PBX1: variants seen among roughly 807,000 people sequenced by gnomAD.
The protein encoded by PBX1 is PBX homeobox 1, also known as pre-B-cell leukemia transcription factor 1.
Under a neutral mutation model 53.4 loss-of-function variants are expected in PBX1, and 6 were observed. The observed-to-expected ratio is 0.11, with a 90% CI of 0.06 to 0.22. The LOEUF (loss-of-function observed/expected upper bound fraction) is 0.22, where lower values mean the gene tolerates loss of function less well. Ranked by LOEUF, PBX1 falls within the 10% of genes least tolerant of loss-of-function variation. PBX1 has a pLI of 1.00. For synonymous variants in PBX1, 204 were observed against 212.3 expected (o/e 0.96, Z 0.34); for missense variants, 251 against 551.4 (o/e 0.46, Z 5.46).
chr1:164,802,426 G>A (rs1266588760), intron 4 of PBX1, among the ~76,000 whole-genome samples: 1 of 152,046 alleles, frequency 6.6e-6, no homozygotes, highest in Non-Finnish European at 1.5e-5. Flanking sequence ...TACGACTGAG[G>A]GCCTCAGTTC....
chr1:164,619,549 C>T (rs897802736), intron 2 of PBX1, among the ~76,000 whole-genome samples: 1 of 152,168 alleles, frequency 6.6e-6, no homozygotes, highest in African/African-American at 2.4e-5. Context: ...TTAACTCCTA[C>T]ACCATCTTAG....
Position 164,846,842 on chromosome 1 carries a change from A to T in PBX1, c.*166A>T. The T allele has an allele frequency of 6.9e-7, 1 of 1,459,320 alleles. No individual in the cohort carries two copies. The highest frequency in any genetic ancestry group is 9.0e-7 in the Non-Finnish European group (1 of 1,108,662). The allele number at this position is 1,459,320 out of a possible 1,614,324, so 90.4% of individuals were successfully genotyped here. On this transcript the variant is annotated 3_prime_UTR_variant, in exon 9 of 9. Coordinates refer to ENST00000420696, the MANE Select transcript of PBX1 (RefSeq NM_002585.4). ...CTTCTTTGGGATGCTATTTCAGCCA[A>T]TCTGGACACTTCTTTATACTCTCTT...
chr1:164,658,573 T>C (rs1316671105), intron 2 of PBX1, among the ~76,000 whole-genome samples: 1 of 152,192 alleles, frequency 6.6e-6, no homozygotes, highest in Non-Finnish European at 1.5e-5. Flanking sequence ...TGACACTATA[T>C]AAGTGTATAC....
chr1:164,725,800 T>A (rs1418033272), intron 2 of PBX1, among the ~76,000 whole-genome samples: 1 of 152,168 alleles, frequency 6.6e-6, no homozygotes, highest in Non-Finnish European at 1.5e-5. Context: ...CTGTGAGGTG[T>A]AGCTATCCAT....
At chr1:164,760,488 T>C (rs1231941826) in intron 2 of PBX1, among the ~76,000 whole-genome samples, 1 of 151,392 alleles carries the variant, frequency 6.6e-6, no homozygotes, top group African/African-American at 2.4e-5. Flanking sequence ...TCCTTCGGAT[T>C]TTTTAAAACA....
chr1:164,851,343 G>A lies in PBX1; in HGVS notation c.*4667G>A, dbSNP rs1340714023. 1 of 206,062 alleles carries A rather than the reference G, an allele frequency of 4.9e-6. No individual in the cohort carries two copies. The highest frequency in any genetic ancestry group is 9.9e-6 in the Non-Finnish European group (1 of 100,910). 12.8% of individuals were successfully genotyped at this position (206,062 alleles called of 1,614,324 possible). On this transcript the variant is annotated 3_prime_UTR_variant, in exon 9 of 9. Transcript: ENST00000420696. ...TGCAGAATTGTGGAGCAATGCTTTAGGAAATATTTCTACCTGAACACTTGT... is the reference window on the plus strand; with the variant it reads ...TGCAGAATTGTGGAGCAATGCTTTAAGAAATATTTCTACCTGAACACTTGT...
chr1:164,664,258 C>G (rs979662693), intron 2 of PBX1, among the ~76,000 whole-genome samples: 4 of 152,192 alleles, frequency 2.6e-5, no homozygotes, highest in Non-Finnish European at 5.9e-5. Context: ...CGGACCATGT[C>G]TAGGTGTCTT....
At position 164,846,832 on chromosome 1, in the gene PBX1, A is replaced by G; in HGVS notation, c.*156A>G. The G allele has an allele frequency of 1.4e-6, 2 of 1,471,786 alleles. No homozygotes were observed. The highest frequency in any genetic ancestry group is 2.7e-5 in the South Asian group (2 of 72,768). The allele number at this position is 1,471,786 out of a possible 1,614,324, so 91.2% of individuals were successfully genotyped here. A position where few individuals can be genotyped will look rare whatever the true frequency, so the allele number is the denominator to read the frequency against. On this transcript the variant is annotated 3_prime_UTR_variant, in exon 9 of 9. Coordinates refer to ENST00000420696, the MANE Select transcript of PBX1 (RefSeq NM_002585.4). The stretch of plus-strand genomic sequence containing the variant: ...CTTCTCTTCTCTTCTTTGGGATGCT[A>G]TTTCAGCCAATCTGGACACTTCTTT...
chr1:164,572,901 C>T (rs1297083825), intron 2 of PBX1, among the ~76,000 whole-genome samples: 1 of 152,114 alleles, frequency 6.6e-6, no homozygotes, highest in Non-Finnish European at 1.5e-5. Flanking sequence ...TAGAGGTTCA[C>T]TAACATGCTT....
At chr1:164,593,933 A>G (rs972586066) in intron 2 of PBX1, among the ~76,000 whole-genome samples, 1 of 151,946 alleles carries the variant, frequency 6.6e-6, no homozygotes, top group African/African-American at 2.4e-5. Flanking sequence ...TGAGGCTGAT[A>G]TTTTCTTCCT....
At chr1:164,799,386 G>A (rs1337626852) in intron 3 of PBX1, among the ~76,000 whole-genome samples, 1 of 152,246 alleles carries the variant, frequency 6.6e-6, no homozygotes, top group South Asian at 2.1e-4. Context: ...AGCTACTCCG[G>A]AGGCTGAGGC....
chr1:164,674,084 C>T (rs1661286248), intron 2 of PBX1, among the ~76,000 whole-genome samples: 2 of 152,178 alleles, frequency 1.3e-5, no homozygotes, highest in African/African-American at 4.8e-5. Flanking sequence ...GTCCAGCTGG[C>T]CGTTCACCAG....
chr1:164,686,173 A>G (rs1662081275), intron 2 of PBX1, among the ~76,000 whole-genome samples: 2 of 152,222 alleles, frequency 1.3e-5, no homozygotes, highest in Admixed American at 6.5e-5. Context: ...AACACCCAGT[A>G]GGTGCTCACT....
chr1:164,652,433 T>C (rs1659888603), intron 2 of PBX1, among the ~76,000 whole-genome samples: 1 of 152,210 alleles, frequency 6.6e-6, no homozygotes, highest in African/African-American at 2.4e-5. Context: ...CTTTATATTA[T>C]TGGCATTTTA....
intron 5 of PBX1, among the ~76,000 whole-genome samples, chr1:164,811,263 G>C (rs1335415572): frequency 6.6e-6 from 1 of 152,172 alleles, no homozygotes; most frequent in Admixed American, 6.5e-5. Context: ...ACCAGATCAA[G>C]CCAAGACACC....
At chr1:164,674,036 A>C (rs1320576525) in intron 2 of PBX1, among the ~76,000 whole-genome samples, 1 of 152,330 alleles carries the variant, frequency 6.6e-6, no homozygotes, top group South Asian at 2.1e-4. Flanking sequence ...ACGCCAGTAC[A>C]TACAGAACAT....
At chr1:164,877,338 T>G (rs181723017) in intron 2 of PBX1, among the ~76,000 whole-genome samples, 4 of 152,116 alleles carry the variant, frequency 2.6e-5, no homozygotes, top group Non-Finnish European at 5.9e-5. Context: ...GATTAAACCC[T>G]TTGTTTAATG....
intron 2 of PBX1, among the ~76,000 whole-genome samples, chr1:164,665,042 G>T (rs953147004): frequency 2.0e-5 from 3 of 152,144 alleles, no homozygotes; most frequent in Non-Finnish European, 4.4e-5. Flanking sequence ...GGAGGACTGT[G>T]AACCTTCTTC....
At chr1:164,775,741 TTAAG>T in intron 2 of PBX1, among the ~76,000 whole-genome samples, 1 of 152,294 alleles carries the variant, frequency 6.6e-6, no homozygotes, top group Non-Finnish European at 1.5e-5. Context: ...ATACTGGCTT[TTAAG>T]TGTTTAAGCC....
Sources: gnomAD v4.1 joint callset for allele counts (sites outside exome capture counted in the v4.1 genomes callset) on GRCh38, gnomAD v4.1.1 for gene constraint, MANE v1.5 for transcripts, NCBI Gene and HGNC (gene_info 2026-07-23, HGNC 2026-07-21) for gene names.